The following PDE4D variants were observed in gnomAD, a reference collection of about 807,000 sequenced individuals.
PDE4D encodes 3',5'-cyclic-AMP phosphodiesterase 4D.
PDE4D carries 24 observed loss-of-function variants against 87.4 expected under a neutral mutation model. The ratio of observed to expected loss-of-function variants is 0.27; its 90% confidence interval spans 0.20 to 0.39. PDE4D has a LOEUF of 0.39. PDE4D is among the 10% of genes least tolerant of loss of function. PDE4D has a pLI of 1.00. For synonymous variants in PDE4D, 384 were observed against 383.2 expected, an observed-to-expected ratio of 1.00 and a Z score of -0.02; for missense variants, 714 against 1,041.0, an observed-to-expected ratio of 0.69 and a Z score of 4.32.
intron 1 of PDE4D, among the ~76,000 whole-genome samples, chr5:59,397,955 C>T (rs1251900024): frequency 8.3e-6 from 1 of 120,578 alleles, no homozygotes; most frequent in African/African-American, 3.3e-5. Context: ...ACAAACACCT[C>T]TATGCAAATA....
At chr5:60,475,888 G>A (rs1561297540) in intron 1 of PDE4D, among the ~76,000 whole-genome samples, 1 of 149,642 alleles carries the variant, frequency 6.7e-6, no homozygotes. Context: ...AAAGCTGAGT[G>A]AAATGTCATA....
At position 59,033,649 on chromosome 5, in the gene PDE4D, T is replaced by C. The variant is rs553412887; in HGVS notation, c.921+5210A>G. 3.9e-5 allele frequency among the ~76,000 whole-genome samples: 6 copies of C among 152,314 alleles called. No individual in the cohort carries two copies. In the South Asian group the frequency reaches 1.2e-3, roughly 32 times the overall value. Reference sequence around the variant, plus strand: ...TCTTAAACTGAACAAAAGCATTATCTATCATCCTTTCTCTCTAGAAAAATA... The same window carrying C: ...TCTTAAACTGAACAAAAGCATTATCCATCATCCTTTCTCTCTAGAAAAATA... On this transcript the variant is annotated intron_variant, in intron 6 of 14. Transcript: ENST00000340635.
upstream of PDE4D, among the ~76,000 whole-genome samples, chr5:59,896,916 T>C (rs1214997874): frequency 1.3e-5 from 2 of 152,168 alleles, no homozygotes; most frequent in Non-Finnish European, 2.9e-5. Flanking sequence ...ACAACAAAAA[T>C]GTAAAATATT....
chr5:59,407,272 T>G (rs940554949), intron 1 of PDE4D, among the ~76,000 whole-genome samples: 1 of 152,208 alleles, frequency 6.6e-6, no homozygotes, highest in African/African-American at 2.4e-5. Flanking sequence ...GTGAGATAGC[T>G]GCTCTCTCTT....
chr5:59,279,813 T>TTGTGTGTGTG (rs10664902), intron 1 of PDE4D, among the ~76,000 whole-genome samples: 1 of 148,266 alleles, frequency 6.7e-6, no homozygotes, highest in African/African-American at 2.5e-5. Flanking sequence ...ATGTGTGTGT[T>TTGTGTGTGTG]TGTGTGTGTG....
At chr5:60,190,691 T>C (rs1785128256) in intron 1 of PDE4D, among the ~76,000 whole-genome samples, 1 of 152,212 alleles carries the variant, frequency 6.6e-6, no homozygotes, top group Non-Finnish European at 1.5e-5. Flanking sequence ...TGTGGCTAGC[T>C]GATAATATTG....
At chr5:59,317,168 G>T (rs1353937588) in intron 1 of PDE4D, among the ~76,000 whole-genome samples, 1 of 152,142 alleles carries the variant, frequency 6.6e-6, no homozygotes, top group South Asian at 2.1e-4. Context: ...TTTGGCATTT[G>T]CCTAGACGTT....
At chr5:59,968,997 C>T (rs1440993842) in intron 3 of PDE4D, among the ~76,000 whole-genome samples, 1 of 133,570 alleles carries the variant, frequency 7.5e-6, no homozygotes, top group Non-Finnish European at 1.7e-5. Context: ...AGGCACCCCC[C>T]CCCCGAAAAA....
At position 60,027,517 on chromosome 5, in the gene PDE4D, C is replaced by T. The variant is rs538564895; in HGVS notation, c.43-38800G>A. On this transcript the variant is annotated intron_variant, in intron 2 of 16. Coordinates refer to the PDE4D transcript ENST00000502484. Reference sequence around the variant, plus strand: ...GACTCCATGTCTTTGCTGTTGCCCCCCACCACTCATCATCTCATCACTATG... The same window carrying T: ...GACTCCATGTCTTTGCTGTTGCCCCTCACCACTCATCATCTCATCACTATG... 5.9e-5 allele frequency among the ~76,000 whole-genome samples: 9 copies of T among 152,234 alleles called. No homozygotes were observed. In the East Asian group the frequency reaches 1.7e-3, roughly 29 times the overall value.
Position 59,859,962 on chromosome 5 carries a change from T to C in PDE4D, c.455+33206A>G, listed in dbSNP as rs187494444. 7.2e-5 allele frequency among the ~76,000 whole-genome samples: 11 copies of C among 152,346 alleles called. 1 individual carries two copies. In the East Asian group the frequency reaches 1.9e-3, roughly 27 times the overall value. ...TAGTTGGAAGAGGCCCACAGACTCT[T>C]AAACAGAATTTGGGAAGAAAGGGAT... is the stretch of plus-strand genomic sequence containing the variant. On this transcript the variant is annotated intron_variant, in intron 1 of 14. Coordinates refer to ENST00000340635, the MANE Select transcript of PDE4D (RefSeq NM_001104631.2).
chr5:59,735,150 C>T (rs1278232904), intron 1 of PDE4D, among the ~76,000 whole-genome samples: 1 of 152,064 alleles, frequency 6.6e-6, no homozygotes. Flanking sequence ...ACTTGAATGC[C>T]AATGGAATAG....
intron 1 of PDE4D, among the ~76,000 whole-genome samples, chr5:59,619,937 G>A (rs561369698): frequency 6.6e-6 from 1 of 152,310 alleles, no homozygotes; most frequent in South Asian, 2.1e-4. Flanking sequence ...GTTATGCTTT[G>A]CTTTTTGAAG....
At chr5:59,770,068 A>G (rs1190951417) in intron 1 of PDE4D, among the ~76,000 whole-genome samples, 2 of 152,230 alleles carry the variant, frequency 1.3e-5, no homozygotes, top group South Asian at 2.1e-4. Flanking sequence ...CAACAATTCA[A>G]TGACACATAA....
At chr5:60,411,306 T>C (rs1742022842) in intron 1 of PDE4D, among the ~76,000 whole-genome samples, 1 of 152,228 alleles carries the variant, frequency 6.6e-6, no homozygotes, top group African/African-American at 2.4e-5. Flanking sequence ...AAATAGGTTA[T>C]GATGTTTAAA....
At chr5:59,459,866 A>G (rs1800494512) in intron 1 of PDE4D, among the ~76,000 whole-genome samples, 1 of 152,216 alleles carries the variant, frequency 6.6e-6, no homozygotes. Flanking sequence ...TTTACATGGC[A>G]TCCCCTAGAG....
intron 1 of PDE4D, among the ~76,000 whole-genome samples, chr5:60,287,727 T>C (rs1024549953): frequency 6.6e-5 from 10 of 152,206 alleles, no homozygotes; most frequent in Non-Finnish European, 1.0e-4. Flanking sequence ...TTCCCTGCTT[T>C]CTCTGGACTC....
intron 3 of PDE4D, among the ~76,000 whole-genome samples, chr5:59,969,541 A>G (rs781340150): frequency 1.3e-5 from 2 of 152,108 alleles, no homozygotes; most frequent in African/African-American, 2.4e-5. Flanking sequence ...TTGGGGAATG[A>G]CTTGTCTCTG....
chr5:59,631,330 T>C (rs112244297), intron 1 of PDE4D, among the ~76,000 whole-genome samples: 219 of 152,318 alleles, frequency 1.4e-3, no homozygotes, highest in African/African-American at 5.1e-3. Context: ...CTCTTATCCC[T>C]TATGCCCCTG....
intron 1 of PDE4D, among the ~76,000 whole-genome samples, chr5:60,260,939 C>A (rs928216597): frequency 1.3e-5 from 2 of 152,014 alleles, no homozygotes; most frequent in East Asian, 3.9e-4. Context: ...TACAAGACAG[C>A]CTGTGAGTCA....
Sources: allele counts gnomAD v4.1 joint callset (sites outside exome capture counted in the v4.1 genomes callset), GRCh38; gene constraint gnomAD v4.1.1; transcripts MANE v1.5; gene names NCBI Gene and HGNC (gene_info 2026-07-23, HGNC 2026-07-21).